Variants in FNIP2 observed in about 807,000 individuals in gnomAD.
FNIP2 encodes the protein folliculin-interacting protein 2.
A neutral mutation model predicts 108.7 loss-of-function variants in FNIP2; 32 were observed. The ratio of observed to expected loss-of-function variants is 0.29; its 90% CI spans 0.22 to 0.40. FNIP2 has a LOEUF of 0.40. Ranked by LOEUF, FNIP2 falls within the 10% of genes least tolerant of loss-of-function variation. FNIP2 has a pLI of 1.00. For synonymous variants in FNIP2, 480 were observed against 496.7 expected, an observed-to-expected ratio of 0.97 and a Z score of 0.45; for missense variants, 1,202 against 1,381.6, an observed-to-expected ratio of 0.87 and a Z score of 2.06.
At chr4:158,807,465 T>C (rs1015464453) in intron 1 of FNIP2, among the ~76,000 whole-genome samples, 4 of 152,186 alleles carry the variant, frequency 2.6e-5, no homozygotes, top group Non-Finnish European at 5.9e-5. Flanking sequence ...ATTTCACCTC[T>C]GTACTCCAGC....
chr4:158,866,835 C>T (rs758488013), intron 12 of FNIP2, among the ~76,000 whole-genome samples: 1 of 152,204 alleles, frequency 6.6e-6, no homozygotes, highest in Non-Finnish European at 1.5e-5. Flanking sequence ...CCTCAGCCTC[C>T]CAAAGGGCTG....
intron 13 of FNIP2, among the ~76,000 whole-genome samples, 197 bp from the exon 14 acceptor site, chr4:158,870,116 T>C (rs1446764832): frequency 6.6e-6 from 1 of 150,468 alleles, no homozygotes; most frequent in African/African-American, 2.5e-5. Flanking sequence ...CCATGGATAG[T>C]TTTTTTTTCT....
At chr4:158,820,056 T>C (rs1262978482) in intron 1 of FNIP2, among the ~76,000 whole-genome samples, 2 of 152,234 alleles carry the variant, frequency 1.3e-5, no homozygotes, top group African/African-American at 4.8e-5. Flanking sequence ...GTTAAATGGA[T>C]AGTATTTTTG....
intron 7 of FNIP2, among the ~76,000 whole-genome samples, chr4:158,841,792 A>G (rs956268586): frequency 6.6e-6 from 1 of 152,258 alleles, no homozygotes; most frequent in Non-Finnish European, 1.5e-5. Flanking sequence ...ATATAAAAGC[A>G]TGTAGCTGCA....
intron 1 of FNIP2, among the ~76,000 whole-genome samples, chr4:158,791,388 A>G (rs535086488): frequency 2.7e-4 from 39 of 144,772 alleles, no homozygotes; most frequent in Non-Finnish European, 4.8e-4. Context: ...GGTTCAAGTG[A>G]TTCTCCTGCC....
At chr4:158,776,204 G>A (rs1267363527) in intron 1 of FNIP2, among the ~76,000 whole-genome samples, 2 of 152,212 alleles carry the variant, frequency 1.3e-5, no homozygotes, top group Non-Finnish European at 2.9e-5. Flanking sequence ...AAAAGCTGAG[G>A]GGGGCTAATT....
At chr4:158,866,326 C>T (rs1780580458) in intron 12 of FNIP2, among the ~76,000 whole-genome samples, 1 of 139,020 alleles carries the variant, frequency 7.2e-6, no homozygotes, top group Non-Finnish European at 1.5e-5. Flanking sequence ...TCAAGCGATT[C>T]TCCTGCCTCA....
intron 2 of FNIP2, among the ~76,000 whole-genome samples, chr4:158,826,521 TG>T (rs1778165315): frequency 6.6e-6 from 1 of 152,242 alleles, no homozygotes; most frequent in South Asian, 2.1e-4. Context: ...TATGCAAACC[TG>T]CATTGTTATC....
chr4:158,883,666 G>T (rs978661361), intron 14 of FNIP2, among the ~76,000 whole-genome samples: 2 of 152,132 alleles, frequency 1.3e-5, no homozygotes, highest in Admixed American at 1.3e-4. Context: ...CCTGCTCTCT[G>T]TAATACACAT....
intron 1 of FNIP2, among the ~76,000 whole-genome samples, chr4:158,776,135 A>G (rs988149152): frequency 1.3e-5 from 2 of 152,216 alleles, no homozygotes; most frequent in African/African-American, 4.8e-5. Context: ...GAAAATGACA[A>G]CCAATTCATG....
rs572807585 is a variant in FNIP2, at chr4:158,907,484, T to C, written c.*2940T>C. ...TGATACTAAACCGTTGTTTGGGCTC[T>C]TATAATTAGGTCCTGAGATTTTATA... On this transcript the variant is annotated 3_prime_UTR_variant, in exon 17 of 17. Coordinates refer to ENST00000264433, the MANE Select transcript of FNIP2 (RefSeq NM_020840.3). The C allele has an allele frequency of 1.4e-4, 21 of 152,346 alleles. No individual in the cohort carries two copies. In the South Asian group the frequency reaches 2.5e-3, roughly 18 times the overall value. The allele number at this position is 152,346 out of a possible 1,614,324, so 9.4% of individuals were successfully genotyped here.
chr4:158,882,918 T>G (rs1781768868), intron 14 of FNIP2, among the ~76,000 whole-genome samples: 1 of 152,082 alleles, frequency 6.6e-6, no homozygotes, highest in African/African-American at 2.4e-5. Context: ...CTTGTTTATC[T>G]GCTGACCTTC....
At chr4:158,772,945 G>A (rs1291392781) in intron 1 of FNIP2, among the ~76,000 whole-genome samples, 1 of 152,260 alleles carries the variant, frequency 6.6e-6, no homozygotes, top group East Asian at 1.9e-4. Context: ...CTTACTTGCT[G>A]TTCTTGTGCT....
intron 1 of FNIP2, among the ~76,000 whole-genome samples, chr4:158,819,628 A>G (rs1034838770): frequency 2.1e-4 from 32 of 152,246 alleles, no homozygotes; most frequent in Non-Finnish European, 3.4e-4. Flanking sequence ...ATAGCAAAAG[A>G]TAAATGAATT....
chr4:158,804,062 C>T (rs1160978385), intron 1 of FNIP2, among the ~76,000 whole-genome samples: 1 of 152,092 alleles, frequency 6.6e-6, no homozygotes, highest in African/African-American at 2.4e-5. Context: ...CCTCAGCCTC[C>T]GAGTAGCTGG....
At position 158,811,479 on chromosome 4, in the gene FNIP2, G is replaced by T. The variant is rs76278505; in HGVS notation, c.108-14437G>T. ...TCTACCCTGATTTTATGATCTGAGG[G>T]TCTTCTCTGCCTTAAAATCAGTGTC... On this transcript the variant is annotated intron_variant, in intron 1 of 16. Transcript: ENST00000264433. 3.8e-3 allele frequency among the ~76,000 whole-genome samples: 575 copies of T among 152,186 alleles called. 5 individuals carry two copies. The highest frequency in any genetic ancestry group is 0.013 in the African/African-American group (540 of 41,518).
intron 16 of FNIP2, among the ~76,000 whole-genome samples, chr4:158,898,515 G>T (rs1304718418): frequency 2.0e-5 from 3 of 151,992 alleles, no homozygotes; most frequent in Non-Finnish European, 1.5e-5. Context: ...TTATTTCCTT[G>T]AGCAGTGGTT....
At chr4:158,835,526 G>A in intron 7 of FNIP2, 50 bp downstream of exon 7, 2 of 1,550,752 alleles carry the variant, frequency 1.3e-6, no homozygotes, top group Non-Finnish European at 1.8e-6. Flanking sequence ...ACTATCTACA[G>A]TGGTGTGGAA....
intron 1 of FNIP2, among the ~76,000 whole-genome samples, chr4:158,815,453 G>A (rs1451586822): frequency 1.4e-5 from 2 of 145,992 alleles, no homozygotes; most frequent in Non-Finnish European, 3.0e-5. Flanking sequence ...CGCCAGCTCC[G>A]CTCACTGCAA....
Sources: allele counts gnomAD v4.1 joint callset (sites outside exome capture counted in the v4.1 genomes callset), GRCh38; gene constraint gnomAD v4.1.1; transcripts MANE v1.5; gene names NCBI Gene and HGNC (gene_info 2026-07-23, HGNC 2026-07-21).